Variants in PLSCR4 observed in about 807,000 individuals in gnomAD.
PLSCR4 encodes the protein phospholipid scramblase 4, also known as Ca(2+)-dependent phospholipid scramblase 4.
Under a neutral mutation model 36.3 loss-of-function variants are expected in PLSCR4, and 25 were observed. That is an observed-to-expected ratio of 0.69 (90% CI 0.50 to 0.96). PLSCR4 has a LOEUF of 0.96. Ranked by LOEUF, PLSCR4 falls within the 40% of genes least tolerant of loss-of-function variation. The pLI, the probability that PLSCR4 is intolerant of heterozygous loss-of-function variation, is 0.00. For missense variants in PLSCR4, 408 were observed against 414.7 expected, an observed-to-expected ratio of 0.98 and a Z score of 0.14; for synonymous variants, 122 against 132.9, an observed-to-expected ratio of 0.92 and a Z score of 0.56.
At chr3:146,207,423 C>T (rs1411115660) in intron 3 of PLSCR4, among the ~76,000 whole-genome samples, 1 of 151,730 alleles carries the variant, frequency 6.6e-6, no homozygotes, top group Non-Finnish European at 1.5e-5. Flanking sequence ...GCATTTCTTT[C>T]TTATAGTTCT....
At chr3:146,245,489 G>A (rs79742203) in intron 1 of PLSCR4, among the ~76,000 whole-genome samples, 5,956 of 151,846 alleles carry the variant, frequency 0.039, 176 homozygotes, top group Middle Eastern at 0.061. Flanking sequence ...AATGCAAAAC[G>A]AAAATAGTAG....
At chr3:146,208,188 C>G (rs796318365) in intron 3 of PLSCR4, among the ~76,000 whole-genome samples, 7 of 152,096 alleles carry the variant, frequency 4.6e-5, no homozygotes, top group African/African-American at 1.7e-4. Context: ...GAAAGGACAC[C>G]CTATTCAACA....
At position 146,195,230 on chromosome 3, in the gene PLSCR4, T is replaced by C; in HGVS notation, c.839A>G (p.Asn280Ser). ...ATCTGCCATTGCTGATAACAAACCA[T>C]TCCACTTCCGGATAATACTGCCGAT... The part of the protein sequence containing the change: ...SNIGSIIRKW[N>S]GLLSAMADAD... Residue 280 changes from asparagine (N) to serine (S), a missense_variant, in exon 8 of 9, where the codon AAT (asparagine) becomes AGT (serine). Coordinates refer to ENST00000354952, the MANE Select transcript of PLSCR4 (RefSeq NM_020353.3). The C allele has an allele frequency of 6.2e-7, 1 of 1,613,682 alleles. No homozygotes were observed. The highest frequency in any genetic ancestry group is 1.1e-5 in the South Asian group (1 of 91,054).
At chr3:146,196,524 C>G in intron 7 of PLSCR4, 108 bp downstream of exon 7, 2 of 999,232 alleles carry the variant, frequency 2.0e-6, no homozygotes, top group Admixed American at 2.0e-5. Context: ...TTTCCTAACA[C>G]TATGTTATTC....
At chr3:146,248,477 T>TAC (rs200464123) in intron 1 of PLSCR4, among the ~76,000 whole-genome samples, 3 of 151,180 alleles carry the variant, frequency 2.0e-5, no homozygotes, top group Non-Finnish European at 2.9e-5. Flanking sequence ...ATTACTACAC[T>TAC]ACACACACAC....
chr3:146,239,078 T>A (rs913998022), intron 1 of PLSCR4, among the ~76,000 whole-genome samples: 2 of 152,084 alleles, frequency 1.3e-5, no homozygotes, highest in South Asian at 2.1e-4. Context: ...AACCATGAAA[T>A]GTTGAAAGAA....
Position 146,206,591 on chromosome 3 carries a change from T to C in PLSCR4, c.289A>G (p.Ile97Val), listed in dbSNP as rs929000594. Residue 97 changes from isoleucine (I) to valine (V), a missense_variant, in exon 4 of 9, where the codon ATA (isoleucine) becomes GTA (valine). Ile to Val is a conservative substitution (Grantham distance 29, BLOSUM62 3). Transcript: ENST00000354952. ...GGAGTTGGCCCTGGCATCCATGTTATTGGAACAGACTGATTTGGCATAGGA... is the reference window on the plus strand; with the variant it reads ...GGAGTTGGCCCTGGCATCCATGTTACTGGAACAGACTGATTTGGCATAGGA... ...KYPMPNQSVP[I>V]TWMPGPTPMA... The C allele has an allele frequency of 1.2e-6, 2 of 1,613,630 alleles. No individual in the cohort carries two copies. The highest frequency in any genetic ancestry group is 1.7e-6 in the Non-Finnish European group (2 of 1,179,698).
intron 8 of PLSCR4, 24 bp from the exon 9 acceptor site, chr3:146,194,479 TGTAG>T: frequency 2.1e-6 from 3 of 1,422,306 alleles, no homozygotes; most frequent in Non-Finnish European, 3.0e-6. Flanking sequence ...AAGAATTATA[TGTAG>T]ATATATAGAT....
chr3:146,200,905 G>C (rs891744926), intron 5 of PLSCR4, 130 bp downstream of exon 5: 10 of 616,336 alleles, frequency 1.6e-5, no homozygotes, highest in African/African-American at 1.6e-4. Context: ...CTTGAAGATA[G>C]GGTAATAGAG....
At chr3:146,206,069 GT>G (rs2034311560) in intron 4 of PLSCR4, among the ~76,000 whole-genome samples, 1 of 152,004 alleles carries the variant, frequency 6.6e-6, no homozygotes, top group African/African-American at 2.4e-5. Context: ...TATATTGTTT[GT>G]TTTTGGGGGT....
At chr3:146,199,079 G>A (rs2033900325) in intron 6 of PLSCR4, among the ~76,000 whole-genome samples, 1 of 152,100 alleles carries the variant, frequency 6.6e-6, no homozygotes, top group South Asian at 2.1e-4. Context: ...AGTAAAGGAT[G>A]TTATTTAACA....
chr3:146,244,875 G>A (rs988099827), intron 1 of PLSCR4, among the ~76,000 whole-genome samples: 58 of 152,124 alleles, frequency 3.8e-4, no homozygotes, highest in African/African-American at 1.4e-3. Flanking sequence ...GCTAGGCCTA[G>A]ATTCCTCTGA....
At chr3:146,199,132 C>G (rs1328136105) in intron 6 of PLSCR4, among the ~76,000 whole-genome samples, 1 of 151,990 alleles carries the variant, frequency 6.6e-6, no homozygotes, top group Non-Finnish European at 1.5e-5. Flanking sequence ...TATTATACTA[C>G]CCAGTTTATG....
At chr3:146,245,995 T>A (rs2036322156) in intron 1 of PLSCR4, among the ~76,000 whole-genome samples, 1 of 152,096 alleles carries the variant, frequency 6.6e-6, no homozygotes, top group South Asian at 2.1e-4. Context: ...GGGCTCAATA[T>A]GAGTGGATTA....
At chr3:146,220,726 GTCAATT>G in intron 3 of PLSCR4, 83 bp downstream of exon 3, 1 of 770,450 alleles carries the variant, frequency 1.3e-6, no homozygotes, top group Non-Finnish European at 2.2e-6. Flanking sequence ...TATTAAATCA[GTCAATT>G]AATTTGTTCG....
rs148945529 is a variant in PLSCR4, at chr3:146,239,701, C to T, written c.-22+11259G>A. Among the ~76,000 whole-genome samples, 638 of 151,812 alleles carry T rather than the reference C, an allele frequency of 4.2e-3. 2 individuals are homozygous for T. Among genetic ancestry groups the T allele is most frequent in the African/African-American group, 0.014 (581 of 41,394 alleles). ...GAGTTCGAGACCAGCCTGACCAACA[C>T]GGAGAAACCCCACTTCTACTAAAAA... On this transcript the variant is annotated intron_variant, in intron 1 of 8. Coordinates refer to ENST00000354952, the MANE Select transcript of PLSCR4 (RefSeq NM_020353.3).
intron 3 of PLSCR4, among the ~76,000 whole-genome samples, chr3:146,208,948 C>T (rs370466293): frequency 3.1e-4 from 47 of 152,180 alleles, no homozygotes; most frequent in African/African-American, 1.0e-3. Context: ...AAAAAAGATA[C>T]TTGCATATGC....
At chr3:146,226,587 A>C (rs1320693399) in intron 1 of PLSCR4, among the ~76,000 whole-genome samples, 5 of 152,212 alleles carry the variant, frequency 3.3e-5, no homozygotes, top group African/African-American at 1.2e-4. Context: ...ATTTCAAAAT[A>C]AAACTTGGAA....
chr3:146,240,269 T>C (rs1243792002), intron 1 of PLSCR4, among the ~76,000 whole-genome samples: 1 of 152,072 alleles, frequency 6.6e-6, no homozygotes, highest in Non-Finnish European at 1.5e-5. Context: ...CACATAAAAA[T>C]ATTCTCAATA....
Sources: allele counts gnomAD v4.1 joint callset (sites outside exome capture counted in the v4.1 genomes callset), GRCh38; gene constraint gnomAD v4.1.1; transcripts MANE v1.5; gene names NCBI Gene and HGNC (gene_info 2026-07-23, HGNC 2026-07-21).